Variants in CFAP95 observed in about 807,000 individuals in gnomAD.
CFAP95 encodes cilia- and flagella-associated protein 95.
At chr9:69,883,401 G>C in the CFAP95 span, among the ~76,000 whole-genome samples, 1 of 152,076 alleles carries the variant, frequency 6.6e-6, no homozygotes, top group African/African-American at 2.4e-5. Flanking sequence ...GTTGGGGAGG[G>C]GTTTATCTTA....
the CFAP95 span, among the ~76,000 whole-genome samples, chr9:69,890,255 A>G: frequency 2.0e-5 from 3 of 152,180 alleles, no homozygotes; most frequent in African/African-American, 7.2e-5. Flanking sequence ...TAACCATTGC[A>G]TTATATATTT....
At chr9:69,891,760 A>T in the CFAP95 span, among the ~76,000 whole-genome samples, 1 of 152,156 alleles carries the variant, frequency 6.6e-6, no homozygotes, top group Non-Finnish European at 1.5e-5. Flanking sequence ...CGCAGTTTGA[A>T]TCCTTACCTA....
chr9:69,861,135 T>C, the CFAP95 span, among the ~76,000 whole-genome samples: 1 of 152,228 alleles, frequency 6.6e-6, no homozygotes. Flanking sequence ...AGTAGTCTTG[T>C]TGACACTAGC....
the CFAP95 span, among the ~76,000 whole-genome samples, chr9:69,838,244 A>C: frequency 7.9e-5 from 12 of 152,150 alleles, no homozygotes; most frequent in Non-Finnish European, 1.3e-4. Context: ...TGAACTTTAA[A>C]TTAGTTTTTT....
the CFAP95 span, chr9:69,858,070 G>A: frequency 9.1e-6 from 11 of 1,214,746 alleles, no homozygotes; most frequent in Non-Finnish European, 1.2e-5. Flanking sequence ...GGTGAGCCAA[G>A]GTCAACAAAA....
chr9:69,887,899 C>G, the CFAP95 span, among the ~76,000 whole-genome samples: 1 of 152,186 alleles, frequency 6.6e-6, no homozygotes, highest in African/African-American at 2.4e-5. Context: ...AGTGAGGAAG[C>G]CATCGTGGAT....
the CFAP95 span, chr9:69,857,809 T>G: frequency 7.7e-6 from 8 of 1,042,608 alleles, no homozygotes; most frequent in Non-Finnish European, 1.1e-5. Context: ...ATTACAGGCG[T>G]GAGCCACTGC....
At chr9:69,823,365 G>A in the CFAP95 span, among the ~76,000 whole-genome samples, 1 of 152,166 alleles carries the variant, frequency 6.6e-6, no homozygotes, top group African/African-American at 2.4e-5. Flanking sequence ...TGAGATTTGG[G>A]TGGGGACACA....
At chr9:69,826,092 A>C in the CFAP95 span, among the ~76,000 whole-genome samples, 1 of 152,210 alleles carries the variant, frequency 6.6e-6, no homozygotes, top group African/African-American at 2.4e-5. Flanking sequence ...TTGTAGTTTT[A>C]AAGACTTTTA....
chr9:69,901,373 G>T, the CFAP95 span, among the ~76,000 whole-genome samples: 2 of 152,034 alleles, frequency 1.3e-5, no homozygotes, highest in Non-Finnish European at 2.9e-5. Context: ...TCCTGACCTC[G>T]TGATCCACCT....
chr9:69,887,027 T>A, the CFAP95 span: 1 of 644,684 alleles, frequency 1.6e-6, no homozygotes, highest in Non-Finnish European at 2.6e-6. Flanking sequence ...TTTGAGATAT[T>A]AGCTGTTTAT....
chr9:69,873,304 T>TA, the CFAP95 span, among the ~76,000 whole-genome samples: 1 of 152,110 alleles, frequency 6.6e-6, no homozygotes, highest in Non-Finnish European at 1.5e-5. Flanking sequence ...ATAAATAAGA[T>TA]AAAAAAATAA....
the CFAP95 span, among the ~76,000 whole-genome samples, chr9:69,880,430 C>T: frequency 3.9e-5 from 6 of 152,080 alleles, no homozygotes; most frequent in Non-Finnish European, 7.4e-5. Context: ...TTGTGCCTGG[C>T]TTATTTCACT....
chr9:69,902,633 G>A, the CFAP95 span, among the ~76,000 whole-genome samples: 1 of 151,636 alleles, frequency 6.6e-6, no homozygotes, highest in African/African-American at 2.4e-5. Flanking sequence ...TTGGTTCTGA[G>A]CTGCAGTCAA....
At chr9:69,896,012 A>G in the CFAP95 span, among the ~76,000 whole-genome samples, 1 of 152,204 alleles carries the variant, frequency 6.6e-6, no homozygotes, top group South Asian at 2.1e-4. Context: ...TCTGCTTCAG[A>G]GAACTTGGAA....
At chr9:69,865,219 G>A in the CFAP95 span, among the ~76,000 whole-genome samples, 4 of 152,086 alleles carry the variant, frequency 2.6e-5, no homozygotes, top group Non-Finnish European at 5.9e-5. Context: ...GTTTCCTGAG[G>A]TCTCCCCAGC....
chr9:69,892,420 T>C, the CFAP95 span, among the ~76,000 whole-genome samples: 1 of 152,078 alleles, frequency 6.6e-6, no homozygotes, highest in Non-Finnish European at 1.5e-5. Flanking sequence ...AAGTCAAGAG[T>C]TGGGCATGCA....
At chr9:69,863,570 T>G in the CFAP95 span, among the ~76,000 whole-genome samples, 1 of 152,172 alleles carries the variant, frequency 6.6e-6, no homozygotes, top group Non-Finnish European at 1.5e-5. Context: ...ATCTGATTAT[T>G]TAATACAAAA....
the CFAP95 span, among the ~76,000 whole-genome samples, chr9:69,842,425 T>C: frequency 6.6e-6 from 1 of 152,206 alleles, no homozygotes; most frequent in East Asian, 1.9e-4. Context: ...GTTTTTCCTC[T>C]TGGTAAAATG....
Sources: gnomAD v4.1 joint callset for allele counts (sites outside exome capture counted in the v4.1 genomes callset) on GRCh38, gnomAD v4.1.1 for gene constraint, MANE v1.5 for transcripts, NCBI Gene and HGNC (gene_info 2026-07-23, HGNC 2026-07-21) for gene names.